The following MCC variants were observed in gnomAD, a reference collection of about 807,000 sequenced individuals.
MCC encodes colorectal mutant cancer protein.
MCC carries 90 observed loss-of-function variants against 116.2 expected under a neutral mutation model. The observed-to-expected ratio is 0.77, with a 90% CI of 0.65 to 0.92. The LOEUF (loss-of-function observed/expected upper bound fraction) is 0.92, where lower values mean the gene tolerates loss of function less well. Among genes scored for constraint, MCC ranks in the 40% least tolerant of loss-of-function variants. The probability of loss-of-function intolerance (pLI) is 0.00; values close to 1 mark genes in which losing one functional copy is unlikely to be tolerated. For missense variants in MCC, 1,516 were observed against 1,312.2 expected (o/e 1.16, Z -2.40); for synonymous variants, 578 against 510.5 (o/e 1.13, Z -1.78).
intron 3 of MCC, among the ~76,000 whole-genome samples, chr5:113,327,561 A>AAT (rs869214073): frequency 0.078 from 6,205 of 79,828 alleles, 453 homozygotes; most frequent in Middle Eastern, 0.13. Flanking sequence ...AAAAAAAAAA[A>AAT]ATATATATAT....
chr5:113,381,566 T>C (rs1179530537), intron 2 of MCC, among the ~76,000 whole-genome samples: 1 of 152,128 alleles, frequency 6.6e-6, no homozygotes, highest in Non-Finnish European at 1.5e-5. Context: ...GGCAGGAAGA[T>C]GGCTTGAGTC....
intron 1 of MCC, among the ~76,000 whole-genome samples, chr5:113,388,897 C>T (rs370372874): frequency 3.3e-5 from 5 of 152,132 alleles, no homozygotes; most frequent in Non-Finnish European, 5.9e-5. Flanking sequence ...GAGCTCTTGC[C>T]CTTTCCATGC....
chr5:113,118,138 T>G (rs1455629472), intron 6 of MCC, among the ~76,000 whole-genome samples: 1 of 152,210 alleles, frequency 6.6e-6, no homozygotes, highest in Non-Finnish European at 1.5e-5. Context: ...CAGGGCATCC[T>G]TCCAGGTTGG....
At chr5:113,362,971 T>C (rs1768584198) in intron 2 of MCC, among the ~76,000 whole-genome samples, 1 of 152,096 alleles carries the variant, frequency 6.6e-6, no homozygotes, top group Non-Finnish European at 1.5e-5. Flanking sequence ...GTTAGTCCAT[T>C]CTTGCACTGC....
intron 1 of MCC, chr5:113,435,418 A>C (rs1770821560): frequency 6.5e-6 from 1 of 152,812 alleles, no homozygotes; most frequent in Non-Finnish European, 1.5e-5. Flanking sequence ...CAGAAAGAGT[A>C]GTGTAGACAG....
intron 3 of MCC, among the ~76,000 whole-genome samples, chr5:113,320,871 A>G (rs568219): frequency 0.99 from 150,418 of 152,354 alleles, 74,265 homozygotes; most frequent in East Asian, 1. Context: ...TGATGTGAAT[A>G]CCAATTGTTT....
intron 3 of MCC, among the ~76,000 whole-genome samples, chr5:113,190,664 T>A (rs546814083): frequency 1.3e-5 from 2 of 152,268 alleles, no homozygotes; most frequent in African/African-American, 4.8e-5. Flanking sequence ...GAGCAGGAGC[T>A]AGCACAACAA....
intron 14 of MCC, among the ~76,000 whole-genome samples, 159 bp from the exon 15 acceptor site, chr5:113,054,118 A>C (rs977379411): frequency 1.3e-5 from 2 of 152,194 alleles, no homozygotes; most frequent in Non-Finnish European, 2.9e-5. Flanking sequence ...AAATGATACC[A>C]CCTTTTAGGA....
chr5:113,447,470 C>A (rs1771256667), intron 1 of MCC, among the ~76,000 whole-genome samples: 1 of 151,974 alleles, frequency 6.6e-6, no homozygotes, highest in South Asian at 2.1e-4. Context: ...TTGGAAGAAT[C>A]TCTCCCTATA....
intron 11 of MCC, among the ~76,000 whole-genome samples, chr5:113,080,117 C>T (rs1754746431): frequency 6.6e-6 from 1 of 152,208 alleles, no homozygotes; most frequent in African/African-American, 2.4e-5. Context: ...CATCTCACAC[C>T]AGTTAGAATG....
At chr5:113,467,795 A>G (rs1315271709) in intron 1 of MCC, among the ~76,000 whole-genome samples, 1 of 152,136 alleles carries the variant, frequency 6.6e-6, no homozygotes, top group Admixed American at 6.5e-5. Context: ...TTTTCACGAT[A>G]TTGATTCTTC....
chr5:113,198,706 CAA>C (rs530273754), intron 3 of MCC, among the ~76,000 whole-genome samples: 4,590 of 99,822 alleles, frequency 0.046, 257 homozygotes, highest in African/African-American at 0.14. Flanking sequence ...ACCCCCACCT[CAA>C]AAAAAAAAAA....
chr5:113,121,733 A>G (rs1241041824), intron 6 of MCC, among the ~76,000 whole-genome samples: 1 of 152,214 alleles, frequency 6.6e-6, no homozygotes, highest in Non-Finnish European at 1.5e-5. Context: ...AACTCATTAT[A>G]AAACTCAAGA....
chr5:113,314,460 G>A (rs1176447879), intron 3 of MCC, among the ~76,000 whole-genome samples: 1 of 152,188 alleles, frequency 6.6e-6, no homozygotes, highest in Non-Finnish European at 1.5e-5. Flanking sequence ...TGAAAGAACT[G>A]TTTTTGCTCA....
chr5:113,178,531 T>C (rs1376737293), intron 3 of MCC, among the ~76,000 whole-genome samples: 1 of 152,176 alleles, frequency 6.6e-6, no homozygotes, highest in African/African-American at 2.4e-5. Context: ...ACTCTGCCTA[T>C]GACAAGTGGC....
intron 2 of MCC, among the ~76,000 whole-genome samples, chr5:113,351,835 C>T (rs189733221): frequency 3.9e-4 from 59 of 152,174 alleles, no homozygotes; most frequent in African/African-American, 6.0e-4. Flanking sequence ...AATGTACCCA[C>T]AATATTTTTT....
chr5:113,469,498 T>C (rs1456086040), intron 1 of MCC, among the ~76,000 whole-genome samples: 2 of 152,232 alleles, frequency 1.3e-5, no homozygotes, highest in Non-Finnish European at 2.9e-5. Context: ...CGGTTTTGAG[T>C]GAGTTTCTCA....
intron 17 of MCC, 28 bp from the exon 18 acceptor site, chr5:113,029,084 G>T: frequency 1.3e-6 from 2 of 1,593,870 alleles, no homozygotes; most frequent in Non-Finnish European, 8.6e-7. Context: ...AAATATGCCA[G>T]GAGTAGTTTG....
chr5:113,225,948 G>A (rs545942123), intron 3 of MCC, among the ~76,000 whole-genome samples: 18 of 152,256 alleles, frequency 1.2e-4, no homozygotes, highest in South Asian at 2.1e-4. Flanking sequence ...CAAGGCAGGC[G>A]GATCACTTGA....
Sources: gnomAD v4.1 joint callset for allele counts (sites outside exome capture counted in the v4.1 genomes callset) on GRCh38, gnomAD v4.1.1 for gene constraint, MANE v1.5 for transcripts, NCBI Gene and HGNC (gene_info 2026-07-23, HGNC 2026-07-21) for gene names.